TMC2: variants seen among roughly 807,000 people sequenced by gnomAD.
The protein encoded by TMC2 is transmembrane channel like 2.
A neutral mutation model predicts 105.9 loss-of-function variants in TMC2; 102 were observed. That is an observed-to-expected ratio of 0.96 (90% CI 0.82 to 1.14). The LOEUF (loss-of-function observed/expected upper bound fraction) is 1.14, where lower values mean the gene tolerates loss of function less well. Ranked by LOEUF, TMC2 falls within the 50% of genes most tolerant of loss-of-function variation. TMC2 has a pLI of 0.00. For missense variants in TMC2, 1,093 were observed against 1,134.3 expected, an observed-to-expected ratio of 0.96 and a Z score of 0.52; for synonymous variants, 402 against 422.8, an observed-to-expected ratio of 0.95 and a Z score of 0.60.
At chr20:2,608,409 C>A (rs1220725888) in intron 11 of TMC2, among the ~76,000 whole-genome samples, 1 of 151,590 alleles carries the variant, frequency 6.6e-6, no homozygotes, top group Non-Finnish European at 1.5e-5. Flanking sequence ...TTCACTGCAA[C>A]CTCCGCCTCC....
rs2086696236 is a variant in TMC2 at position 2,642,540 on chromosome 20, A to C, written c.*1189A>C. On this transcript the variant is annotated 3_prime_UTR_variant, in exon 20 of 20. Coordinates refer to ENST00000358864, the MANE Select transcript of TMC2 (RefSeq NM_080751.3). ...TGGTTTCTCTGAAGAGTTTTGCAAA[A>C]GGTACAATGCAGAGCGTTGTCTCTG... 6.6e-6 allele frequency among the ~76,000 whole-genome samples: 1 copy of C among 152,226 alleles called. No individual in the cohort carries two copies. Among genetic ancestry groups the C allele is most frequent in the African/African-American group, 2.4e-5 (1 of 41,464 alleles).
At chr20:2,539,295 T>C (rs115858260) in intron 2 of TMC2, among the ~76,000 whole-genome samples, 259 of 152,290 alleles carry the variant, frequency 1.7e-3, no homozygotes, top group African/African-American at 5.9e-3. Flanking sequence ...TGAAGAGGTC[T>C]GGGGAAGATT....
chr20:2,576,218 T>A (rs1416998763), intron 5 of TMC2, among the ~76,000 whole-genome samples: 2 of 152,150 alleles, frequency 1.3e-5, no homozygotes, highest in Non-Finnish European at 2.9e-5. Context: ...CAAGACAGCA[T>A]GACAACTAAC....
At chr20:2,550,343 T>A (rs1455621181) in intron 2 of TMC2, among the ~76,000 whole-genome samples, 1 of 152,114 alleles carries the variant, frequency 6.6e-6, no homozygotes. Context: ...AACAAGACCC[T>A]GTCTCAAAAA....
chr20:2,610,049 A>G (rs185819047), intron 11 of TMC2, among the ~76,000 whole-genome samples: 1 of 152,272 alleles, frequency 6.6e-6, no homozygotes, highest in African/African-American at 2.4e-5. Context: ...GGGTTTCACC[A>G]TGTTAGCCAG....
intron 17 of TMC2, among the ~76,000 whole-genome samples, chr20:2,631,682 G>T: frequency 7.0e-6 from 1 of 142,892 alleles, no homozygotes. Context: ...CTCTCTTTCT[G>T]GATTCTCTCT....
Position 2,558,539 on chromosome 20 carries a change from C to G in TMC2, c.166C>G (p.Gln56Glu). Residue 56 changes from glutamine to glutamate, a missense_variant, in exon 3 of 20, where the codon CAG (glutamine) becomes GAG (glutamate). Transcript: ENST00000358864. This position sits in a 1 kb window ranked among gnomAD's most constrained non-coding sequence, Gnocchi z 4.6. The stretch of plus-strand genomic sequence containing the variant: ...AGGCAGGCGCGGAGCTCAGCGAAGC[C>G]AGAAGGAGCGCGCCGGGGGCAGCCC... ...TPGRRGAQRS[Q>E]KERAGGSPSP... 6.4e-7 allele frequency: 1 copy of G among 1,554,072 alleles called. No homozygotes were observed. The highest frequency in any genetic ancestry group is 8.7e-7 in the Non-Finnish European group (1 of 1,148,664).
At chr20:2,538,719 C>T (rs2085868724) in intron 2 of TMC2, among the ~76,000 whole-genome samples, 1 of 152,176 alleles carries the variant, frequency 6.6e-6, no homozygotes, top group African/African-American at 2.4e-5. Flanking sequence ...TGCCGTTTTC[C>T]CTTTCCCATA....
chr20:2,570,063 G>T (rs751586297), intron 4 of TMC2, among the ~76,000 whole-genome samples: 2 of 152,076 alleles, frequency 1.3e-5, no homozygotes, highest in African/African-American at 2.4e-5. Context: ...TTTCCCTTAA[G>T]AACTGGAACA....
intron 4 of TMC2, among the ~76,000 whole-genome samples, chr20:2,566,914 A>C (rs1010134480): frequency 6.6e-6 from 1 of 152,234 alleles, no homozygotes; most frequent in Non-Finnish European, 1.5e-5. Context: ...ACAGACTGGC[A>C]AGACAGAAAA....
chr20:2,567,280 G>A (rs2086070745), intron 4 of TMC2, among the ~76,000 whole-genome samples: 1 of 152,194 alleles, frequency 6.6e-6, no homozygotes. Context: ...GGTGTCAAAG[G>A]AGGCCAAATG....
At chr20:2,623,969 A>C (rs78499136) in intron 16 of TMC2, among the ~76,000 whole-genome samples, 5,791 of 152,284 alleles carry the variant, frequency 0.038, 360 homozygotes, top group African/African-American at 0.13. Context: ...ACATGAGGAA[A>C]ACCATTTTTT....
chr20:2,576,945 G>A (rs930336947), intron 5 of TMC2, among the ~76,000 whole-genome samples: 15 of 129,398 alleles, frequency 1.2e-4, no homozygotes, highest in African/African-American at 4.5e-4. Flanking sequence ...GTCTCGCTCT[G>A]TCACCCTGGC....
intron 7 of TMC2, among the ~76,000 whole-genome samples, chr20:2,588,428 A>G (rs1452003449): frequency 6.6e-6 from 1 of 152,192 alleles, no homozygotes; most frequent in Non-Finnish European, 1.5e-5. Flanking sequence ...CAGCCACACC[A>G]TGCTAGACTG....
intron 17 of TMC2, among the ~76,000 whole-genome samples, chr20:2,633,820 T>G (rs1477030922): frequency 1.3e-5 from 2 of 152,158 alleles, no homozygotes; most frequent in African/African-American, 4.8e-5. Context: ...CTTGCTGGAA[T>G]TTAGCTGTTT....
intron 17 of TMC2, among the ~76,000 whole-genome samples, chr20:2,630,702 T>A (rs1295938922): frequency 6.6e-6 from 1 of 152,158 alleles, no homozygotes; most frequent in Non-Finnish European, 1.5e-5. Flanking sequence ...ATGCCTGTAG[T>A]TCCAGCTACT....
rs539766141 is a variant in TMC2 at position 2,602,075 on chromosome 20, G to C, written c.1225-38G>C. On this transcript the variant is annotated intron_variant, in intron 10 of 19. Transcript: ENST00000358864. Reference sequence around the variant, plus strand: ...AACAGCCATGGTTCTGGCATTTCTGGCCTGACATTTATGCACATCTCATTT... The same window carrying C: ...AACAGCCATGGTTCTGGCATTTCTGCCCTGACATTTATGCACATCTCATTT... 8.0e-6 allele frequency: 12 copies of C among 1,500,740 alleles called. No individual in the cohort carries two copies. The South Asian group carries it at 1.4e-4, about 17-fold the overall frequency. 93.0% of individuals were successfully genotyped at this position (1,500,740 alleles called of 1,614,324 possible).
chr20:2,588,349 C>T (rs2086244941), intron 7 of TMC2, among the ~76,000 whole-genome samples: 1 of 152,180 alleles, frequency 6.6e-6, no homozygotes, highest in Admixed American at 6.5e-5. Context: ...GGACTCCAGA[C>T]CCCAGATGAG....
rs1237264523 is a variant in TMC2, at chr20:2,558,537, G to C, written c.164G>C (p.Ser55Thr). 1 of 1,553,808 alleles carries C rather than the reference G, an allele frequency of 6.4e-7. No homozygotes were observed. Among genetic ancestry groups the C allele is most frequent in the Non-Finnish European group, 8.7e-7 (1 of 1,148,626 alleles). ...CCAGGCAGGCGCGGAGCTCAGCGAAGCCAGAAGGAGCGCGCCGGGGGCAGC... is the reference window on the plus strand; with the variant it reads ...CCAGGCAGGCGCGGAGCTCAGCGAACCCAGAAGGAGCGCGCCGGGGGCAGC... ...GTPGRRGAQRSQKERAGGSPS... is the reference protein window; with the variant it reads ...GTPGRRGAQRTQKERAGGSPS... The change falls in exon 3 of 20, where the codon AGC becomes ACC. Residue 55 changes from serine to threonine, a missense_variant. Transcript: ENST00000358864. The surrounding 1 kb of genome is among the most constrained non-coding windows in gnomAD (Gnocchi z 4.6).
Sources: gnomAD v4.1 joint callset for allele counts (sites outside exome capture counted in the v4.1 genomes callset) on GRCh38, gnomAD v4.1.1 for gene constraint, Gnocchi (gnomAD v3.1) non-coding constraint, MANE v1.5 for transcripts, NCBI Gene and HGNC (gene_info 2026-07-23, HGNC 2026-07-21) for gene names.